The following HIVEP2 variants were observed in gnomAD, a reference collection of about 807,000 sequenced individuals.
HIVEP2 encodes the protein transcription factor HIVEP2.
A neutral mutation model predicts 180.7 loss-of-function variants in HIVEP2; 14 were observed. The observed-to-expected ratio is 0.08, with a 90% CI of 0.05 to 0.12. The LOEUF is 0.12. Ranked by LOEUF, HIVEP2 falls within the 10% of genes least tolerant of loss-of-function variation. The probability of loss-of-function intolerance (pLI) is 1.00; values close to 1 mark genes in which losing one functional copy is unlikely to be tolerated. For synonymous variants in HIVEP2, 1,184 were observed against 1,136.4 expected, an observed-to-expected ratio of 1.04 and a Z score of -0.84; for missense variants, 2,579 against 3,008.5, an observed-to-expected ratio of 0.86 and a Z score of 3.34.
In HIVEP2 at chr6:142,833,936, T is replaced by C. The variant is rs190979002; in HGVS notation, c.-528+2999A>G. Among the ~76,000 whole-genome samples the C allele has an allele frequency of 2.4e-4, 36 of 152,296 alleles. 1 individual carries two copies. Among genetic ancestry groups the C allele is most frequent in the Middle Eastern group, 3.4e-3 (1 of 294 alleles). On this transcript the variant is annotated intron_variant, in intron 2 of 9. Transcript: ENST00000367603. ...TACAAGGAACCAAACAGAAGACTTG[T>C]ATGCATCTGAAGAGCTATAAAAATA...
In HIVEP2 at chr6:142,769,985, G is replaced by A. The variant is rs1432308946; in HGVS notation, c.4754C>T (p.Ser1585Phe). The A allele has an allele frequency of 6.2e-7, 1 of 1,614,114 alleles. No homozygotes were observed. The highest frequency in any genetic ancestry group is 1.3e-5 in the African/African-American group (1 of 75,052). The change falls in exon 5 of 10, where the codon TCT (serine) becomes TTT (phenylalanine). Residue 1585 changes from serine to phenylalanine, a missense_variant. Transcript: ENST00000367603. ...CTGACCATCTCCTGCTGGTAATGAA[G>A]AACTCTGTGGGCTCATGCTCATGTC... The part of the protein sequence containing the change: ...ASDMSMSPQS[S>F]SLPAGDGQLE...
chr6:142,782,034 A>C (rs941933333), intron 3 of HIVEP2, among the ~76,000 whole-genome samples: 2 of 152,220 alleles, frequency 1.3e-5, no homozygotes, highest in Admixed American at 1.3e-4. Context: ...ATGACATCCT[A>C]AATAATGACG....
Position 142,760,155 on chromosome 6 carries a change from G to A in HIVEP2, c.6133C>T (p.His2045Tyr). The change falls in exon 9 of 10, where the codon CAT becomes TAT. Residue 2045 changes from histidine (H) to tyrosine (Y), a missense_variant. Transcript: ENST00000367603. ...GAAGAATCATATCCTGGAGAGGAAT[G>A]GTGGCTTGAGGGTGAGAAGTCCCTG... Reference protein sequence around the residue: ...SPRDFSPSSHHSSPGYDSSPC... With the variant: ...SPRDFSPSSHYSSPGYDSSPC... The A allele has an allele frequency of 6.2e-7, 1 of 1,614,152 alleles. No individual in the cohort carries two copies. The highest frequency in any genetic ancestry group is 8.5e-7 in the Non-Finnish European group (1 of 1,180,016).
intron 3 of HIVEP2, among the ~76,000 whole-genome samples, chr6:142,779,762 C>A (rs1024108766): frequency 5.3e-5 from 8 of 151,914 alleles, no homozygotes; most frequent in Admixed American, 2.6e-4. Flanking sequence ...GAGGTAATAC[C>A]TTTATAAATC....
rs372277404 is a variant in HIVEP2, at chr6:142,783,511, A to C, written c.-433+10T>G. ...AAGAGAGTAAGAATAAATAAATTTT[A>C]GTTATTAACCTGTTATCCTCATATC... On this transcript the variant is annotated intron_variant, in intron 3 of 9. Coordinates refer to ENST00000367603, the MANE Select transcript of HIVEP2 (RefSeq NM_006734.4). 17 of 152,264 alleles carry C rather than the reference A, an allele frequency of 1.1e-4. No individual in the cohort carries two copies. Among genetic ancestry groups the C allele is most frequent in the African/African-American group, 3.1e-4 (13 of 41,570 alleles). 9.4% of individuals were successfully genotyped at this position (152,264 alleles called of 1,614,324 possible).
intron 1 of HIVEP2, among the ~76,000 whole-genome samples, chr6:142,851,145 G>C (rs1775660664): frequency 6.6e-6 from 1 of 152,208 alleles, no homozygotes; most frequent in Non-Finnish European, 1.5e-5. Context: ...CTTAAGAGGT[G>C]AGAAGGAAAA....
chr6:142,756,797 TTATC>T (rs10660970), intron 9 of HIVEP2, among the ~76,000 whole-genome samples: 12,443 of 149,906 alleles, frequency 0.083, 569 homozygotes, highest in African/African-American at 0.13. Flanking sequence ...AAAAGATACC[TTATC>T]TATCTATCTA....
At chr6:142,806,289 G>A (rs1288590729) in intron 2 of HIVEP2, among the ~76,000 whole-genome samples, 3 of 152,086 alleles carry the variant, frequency 2.0e-5, no homozygotes, top group African/African-American at 4.8e-5. Context: ...AGATACTATG[G>A]AAAATTCATG....
At chr6:142,918,491 A>G (rs1264724171) in intron 1 of HIVEP2, among the ~76,000 whole-genome samples, 1 of 152,168 alleles carries the variant, frequency 6.6e-6, no homozygotes, top group Non-Finnish European at 1.5e-5. Flanking sequence ...CGTGCCTCCT[A>G]ACGACAGCAT....
At position 142,773,560 on chromosome 6, in the gene HIVEP2, T is replaced by C; in HGVS notation, c.1179A>G (p.Lys393=). ...AAAAGTAACCAGAATCAGTGCTTCC[T>C]TTACTGTGCGGGCTCAGAAGGTTGA... The part of the protein sequence containing the change: ...PSLNLLSPHS[K]GSTDSGYFSR... Residue 393 remains lysine (K), a synonymous_variant, in exon 5 of 10, where the codon AAA becomes AAG. Transcript: ENST00000367603. 6.2e-7 allele frequency: 1 copy of C among 1,614,262 alleles called. No individual in the cohort carries two copies.
At chr6:142,929,769 AGT>A (rs1777897793) in intron 1 of HIVEP2, among the ~76,000 whole-genome samples, 1 of 152,200 alleles carries the variant, frequency 6.6e-6, no homozygotes. Context: ...TTAAATGTGT[AGT>A]TAGAATATGA....
intron 1 of HIVEP2, among the ~76,000 whole-genome samples, chr6:142,918,416 T>C (rs1777612760): frequency 6.6e-6 from 1 of 152,214 alleles, no homozygotes; most frequent in Non-Finnish European, 1.5e-5. Flanking sequence ...TTGCCACGAA[T>C]GTGGATGCGG....
At chr6:142,841,409 T>C (rs1289508370) in intron 1 of HIVEP2, among the ~76,000 whole-genome samples, 1 of 152,056 alleles carries the variant, frequency 6.6e-6, no homozygotes, top group East Asian at 1.9e-4. Flanking sequence ...GGCATTGTGT[T>C]AGGTCGTTTT....
intron 3 of HIVEP2, among the ~76,000 whole-genome samples, chr6:142,782,361 G>A (rs1448690698): frequency 6.6e-6 from 1 of 152,044 alleles, no homozygotes; most frequent in African/African-American, 2.4e-5. Flanking sequence ...TTGATCCCAC[G>A]AGTCACTTAG....
At position 142,764,845 on chromosome 6, in the gene HIVEP2, A is replaced by G; in HGVS notation, c.5472T>C (p.Val1824=). The G allele has an allele frequency of 6.2e-7, 1 of 1,613,972 alleles. No homozygotes were observed. The highest frequency in any genetic ancestry group is 8.5e-7 in the Non-Finnish European group (1 of 1,179,892). The change falls in exon 7 of 10, where the codon GTT becomes GTC. Residue 1824 remains valine (V), a synonymous_variant. Transcript: ENST00000367603. ...TACATAACTTGCATACATAAGGCCG[A>G]ACATCAGTATGGGTACGGATGTGTT... ...LKKHIRTHTD[V]RPYVCKLCNF...
chr6:142,921,252 T>G (rs991597506), intron 1 of HIVEP2, among the ~76,000 whole-genome samples: 74 of 152,282 alleles, frequency 4.9e-4, no homozygotes, highest in African/African-American at 1.7e-3. Context: ...GTTTAAAATA[T>G]GAGGATAGGC....
chr6:142,890,943 G>A (rs543898503), intron 1 of HIVEP2, among the ~76,000 whole-genome samples: 3 of 152,178 alleles, frequency 2.0e-5, no homozygotes, highest in East Asian at 1.9e-4. Flanking sequence ...AGTCATTACC[G>A]GTGGTGTAGT....
chr6:142,820,093 C>G (rs1338715418), intron 2 of HIVEP2, among the ~76,000 whole-genome samples: 1 of 152,152 alleles, frequency 6.6e-6, no homozygotes, highest in Non-Finnish European at 1.5e-5. Context: ...TACATCATAC[C>G]ACTTCCCCTA....
At chr6:142,870,270 T>C (rs1306932439) in intron 1 of HIVEP2, among the ~76,000 whole-genome samples, 5 of 152,170 alleles carry the variant, frequency 3.3e-5, no homozygotes. Flanking sequence ...GTCTGCTTCC[T>C]CACCGCACTC....
Sources: allele counts gnomAD v4.1 joint callset (sites outside exome capture counted in the v4.1 genomes callset), GRCh38; gene constraint gnomAD v4.1.1; transcripts MANE v1.5; gene names NCBI Gene and HGNC (gene_info 2026-07-23, HGNC 2026-07-21).